Variants in SMAGP observed in about 807,000 individuals in gnomAD.
The protein encoded by SMAGP is small cell adhesion glycoprotein.
In SMAGP, 7 loss-of-function variants were observed where a neutral mutation model predicts 10.1. The ratio of observed to expected loss-of-function variants is 0.70; its 90% confidence interval spans 0.40 to 1.31. SMAGP has a LOEUF of 1.31. Among genes scored for constraint, SMAGP ranks in the 50% most tolerant of loss-of-function variants. The pLI is 0.01. For synonymous variants in SMAGP, 49 were observed against 47.2 expected (o/e 1.04, Z -0.16); for missense variants, 113 against 116.5 (o/e 0.97, Z 0.14).
At chr12:51,254,478 C>T (rs367545893) in intron 2 of SMAGP, among the ~76,000 whole-genome samples, 1 of 151,734 alleles carries the variant, frequency 6.6e-6, no homozygotes, top group East Asian at 1.9e-4. Context: ...ACCCAGGAGG[C>T]GGAGGCTGCA....
At chr12:51,248,189 G>A (rs1228319779) in intron 2 of SMAGP, among the ~76,000 whole-genome samples, 1 of 152,090 alleles carries the variant, frequency 6.6e-6, no homozygotes, top group Non-Finnish European at 1.5e-5. Flanking sequence ...ATGCTAAGAG[G>A]GGCCAAGAGT....
intron 2 of SMAGP, among the ~76,000 whole-genome samples, chr12:51,257,058 GAATAT>G (rs1944891665): frequency 6.6e-6 from 1 of 152,126 alleles, no homozygotes; most frequent in Non-Finnish European, 1.5e-5. Context: ...ACTGAAGGCA[GAATAT>G]AAATAAATGC....
At chr12:51,260,806 C>T (rs1303549868) in intron 2 of SMAGP, among the ~76,000 whole-genome samples, 1 of 150,016 alleles carries the variant, frequency 6.7e-6, no homozygotes, top group Non-Finnish European at 1.5e-5. Context: ...CTGCCTCAGC[C>T]TCCCGAGTAG....
chr12:51,249,827 G>C (rs1032495509), intron 2 of SMAGP, among the ~76,000 whole-genome samples: 2 of 151,678 alleles, frequency 1.3e-5, no homozygotes, highest in Admixed American at 6.6e-5. Context: ...ATGTTGGCCA[G>C]GCTGGTCTCG....
At chr12:51,248,434 A>ACACACTCTCACTCTCTCTCT (rs1188710796) in intron 2 of SMAGP, among the ~76,000 whole-genome samples, 4 of 77,468 alleles carry the variant, frequency 5.2e-5, no homozygotes, top group African/African-American at 2.0e-4. Flanking sequence ...ACACACACAC[A>ACACACTCTCACTCTCTCTCT]CTCTCTCTCT....
At chr12:51,256,047 A>C (rs756101397) in intron 2 of SMAGP, among the ~76,000 whole-genome samples, 1 of 152,172 alleles carries the variant, frequency 6.6e-6, no homozygotes, top group Non-Finnish European at 1.5e-5. Context: ...CTGGCATTAC[A>C]GGTGTGAGCT....
At chr12:51,262,459 T>A (rs1449968057) in intron 2 of SMAGP, among the ~76,000 whole-genome samples, 2 of 152,022 alleles carry the variant, frequency 1.3e-5, no homozygotes, top group Admixed American at 1.3e-4. Flanking sequence ...ACAGCCTGGG[T>A]GAAACTGAGG....
At chr12:51,269,087 C>T (rs1945002925) in intron 2 of SMAGP, among the ~76,000 whole-genome samples, 158 bp downstream of exon 2, 1 of 152,214 alleles carries the variant, frequency 6.6e-6, no homozygotes, top group Non-Finnish European at 1.5e-5. Context: ...TACTAAGGGG[C>T]ACACTCTAGT....
Position 51,245,839 on chromosome 12 carries a change from C to G in SMAGP, c.*102G>C. 1 of 1,361,720 alleles carries G rather than the reference C, an allele frequency of 7.3e-7. No individual in the cohort carries two copies. Among genetic ancestry groups the G allele is most frequent in the Admixed American group, 2.5e-5 (1 of 39,764 alleles). 84.4% of individuals were successfully genotyped at this position (1,361,720 alleles called of 1,614,324 possible). A position where few individuals can be genotyped will look rare whatever the true frequency, so the allele number is the denominator to read the frequency against. On this transcript the variant is annotated 3_prime_UTR_variant, in exon 4 of 4. Transcript: ENST00000603798. ...GGCTGGAGCTTGGATTTGCCCACAT[C>G]AATCAATGCTTCTCCCTGGCTTCAG...
At chr12:51,257,430 C>G (rs1166718002) in intron 2 of SMAGP, among the ~76,000 whole-genome samples, 1 of 152,226 alleles carries the variant, frequency 6.6e-6, no homozygotes, top group Non-Finnish European at 1.5e-5. Flanking sequence ...AGGATCTTAA[C>G]TGGGCCCAGT....
At chr12:51,268,568 TC>T (rs938175441) in intron 2 of SMAGP, among the ~76,000 whole-genome samples, 7 of 97,512 alleles carry the variant, frequency 7.2e-5, no homozygotes, top group African/African-American at 2.4e-4. Flanking sequence ...CTTCCTTCCT[TC>T]CTTCCTTCCT....
Position 51,245,729 on chromosome 12 carries a change from G to C in SMAGP, c.*212C>G. On this transcript the variant is annotated 3_prime_UTR_variant, in exon 4 of 4. Transcript: ENST00000603798. The stretch of plus-strand genomic sequence containing the variant: ...GTCACAAACACCAGCTCTAGTAAGA[G>C]GGCCTGGTTAAAGATATCATAAACA... The C allele has an allele frequency of 1.9e-6, 1 of 528,222 alleles. No homozygotes were observed. Among genetic ancestry groups the C allele is most frequent in the Non-Finnish European group, 3.4e-6 (1 of 296,314 alleles). 32.7% of individuals were successfully genotyped at this position (528,222 alleles called of 1,614,324 possible).
intron 2 of SMAGP, among the ~76,000 whole-genome samples, chr12:51,267,930 G>A (rs1049684464): frequency 6.6e-6 from 1 of 152,242 alleles, no homozygotes; most frequent in African/African-American, 2.4e-5. Context: ...GAGAATGCCT[G>A]TCCTAATGAC....
At chr12:51,248,548 C>T (rs1478761698) in intron 2 of SMAGP, among the ~76,000 whole-genome samples, 1 of 151,970 alleles carries the variant, frequency 6.6e-6, no homozygotes, top group Admixed American at 6.6e-5. Context: ...GGGTGTGTCA[C>T]ACCGCAGGAG....
intron 2 of SMAGP, among the ~76,000 whole-genome samples, chr12:51,252,683 G>GCCCCCCCCCCCC (rs1353120777): frequency 6.7e-6 from 1 of 149,838 alleles, no homozygotes; most frequent in East Asian, 2.3e-4. Context: ...GAGCCACATC[G>GCCCCCCCCCCCC]CCCCCCGAAG....
At chr12:51,261,569 C>T (rs1944932638) in intron 2 of SMAGP, among the ~76,000 whole-genome samples, 1 of 152,096 alleles carries the variant, frequency 6.6e-6, no homozygotes, top group Non-Finnish European at 1.5e-5. Context: ...AGATGTCTCC[C>T]CAACAGAAGG....
At chr12:51,267,700 G>T (rs890810070) in intron 2 of SMAGP, among the ~76,000 whole-genome samples, 1 of 151,892 alleles carries the variant, frequency 6.6e-6, no homozygotes, top group Non-Finnish European at 1.5e-5. Flanking sequence ...TCGCCATGTT[G>T]CCCAGGCTGA....
At chr12:51,250,519 T>G (rs57811994) in intron 2 of SMAGP, among the ~76,000 whole-genome samples, 1,906 of 151,946 alleles carry the variant, frequency 0.013, 60 homozygotes, top group East Asian at 0.11. Flanking sequence ...TTGTTTTTTT[T>G]TTGTTGTTGT....
chr12:51,251,539 TG>T, intron 2 of SMAGP: 1 of 150,774 alleles, frequency 6.6e-6, no homozygotes, highest in African/African-American at 2.4e-5. Flanking sequence ...TGCAGTGAGC[TG>T]TGATTGTGCC....
Sources: gnomAD v4.1 joint callset for allele counts (sites outside exome capture counted in the v4.1 genomes callset) on GRCh38, gnomAD v4.1.1 for gene constraint, MANE v1.5 for transcripts, NCBI Gene and HGNC (gene_info 2026-07-23, HGNC 2026-07-21) for gene names.